Variants in STK32B observed in about 807,000 individuals in gnomAD.
STK32B encodes the protein serine/threonine kinase 32B.
A neutral mutation model predicts 52.6 loss-of-function variants in STK32B; 43 were observed. That is an observed-to-expected ratio of 0.82 (90% CI 0.64 to 1.05). STK32B has a LOEUF of 1.05. STK32B is among the 50% of genes least tolerant of loss of function. The probability of loss-of-function intolerance (pLI) is 0.00; values close to 1 mark genes in which losing one functional copy is unlikely to be tolerated. For missense variants in STK32B, 621 were observed against 534.6 expected (o/e 1.16, Z -1.59); for synonymous variants, 238 against 204.3 (o/e 1.17, Z -1.41).
intron 4 of STK32B, among the ~76,000 whole-genome samples, chr4:5,335,823 A>T (rs1732637139): frequency 6.6e-6 from 1 of 151,738 alleles, no homozygotes; most frequent in African/African-American, 2.4e-5. Context: ...TTGTAGTTTG[A>T]TTGCACTGTG....
At chr4:5,276,062 G>A (rs1321836544) in intron 3 of STK32B, among the ~76,000 whole-genome samples, 16 of 152,072 alleles carry the variant, frequency 1.1e-4, no homozygotes. Flanking sequence ...GCCGAGGCAG[G>A]CGGATCACCT....
rs373306420 is a variant in STK32B at position 5,168,416 on chromosome 4, C to G, written c.226C>G (p.Gln76Glu). 4 of 1,613,686 alleles carry G rather than the reference C, an allele frequency of 2.5e-6. No individual in the cohort carries two copies. The African/African-American group carries it at 5.3e-5, about 22-fold the overall frequency. ...RNVFRELQIM[Q>E]GLEHPFLVNL... Reference sequence around the variant, plus strand: ...TGTTTTCCGGGAGCTGCAGATCATGCAAGGGCTGGAGCACCCCTTCCTGGT... The same window carrying G: ...TGTTTTCCGGGAGCTGCAGATCATGGAAGGGCTGGAGCACCCCTTCCTGGT... The change falls in exon 3 of 12, where the codon CAA (glutamine) becomes GAA (glutamate). Residue 76 changes from glutamine to glutamate, a missense_variant. Physicochemically the swap from Gln to Glu is conservative, Grantham distance 29. Transcript: ENST00000282908.
chr4:5,285,207 G>T (rs1489547301), intron 3 of STK32B, among the ~76,000 whole-genome samples: 1 of 152,146 alleles, frequency 6.6e-6, no homozygotes, highest in African/African-American at 2.4e-5. Context: ...AAGGCTACCG[G>T]TCGACAGTAG....
chr4:5,042,966 C>T, the STK32B span, among the ~76,000 whole-genome samples: 1 of 151,600 alleles, frequency 6.6e-6, no homozygotes, highest in African/African-American at 2.4e-5. Flanking sequence ...ATTAGCCGGG[C>T]GCGGTGGCGG....
At chr4:5,317,327 ATT>A (rs1491172346) in intron 3 of STK32B, among the ~76,000 whole-genome samples, 2 of 33,254 alleles carry the variant, frequency 6.0e-5, no homozygotes, top group African/African-American at 2.8e-4. Context: ...TATAATATAT[ATT>A]ACATATATAA....
intron 3 of STK32B, among the ~76,000 whole-genome samples, chr4:5,321,792 C>T (rs1051394022): frequency 3.3e-5 from 5 of 152,260 alleles, no homozygotes; most frequent in African/African-American, 1.2e-4. Flanking sequence ...CACCTCATCA[C>T]GCGACTGCTC....
At chr4:5,485,044 G>C (rs1346254599) in intron 11 of STK32B, among the ~76,000 whole-genome samples, 1 of 151,658 alleles carries the variant, frequency 6.6e-6, no homozygotes, top group Non-Finnish European at 1.5e-5. Flanking sequence ...TTTCAACTTT[G>C]ATGAATCTGA....
chr4:5,331,538 C>T (rs1222786898), intron 4 of STK32B, 145 bp downstream of exon 4: 2 of 844,898 alleles, frequency 2.4e-6, no homozygotes, highest in East Asian at 2.8e-5. Context: ...GAACACTTTT[C>T]TTCCTATTTT....
Position 5,380,149 on chromosome 4 carries a change from G to T in STK32B, c.435-18058G>T, listed in dbSNP as rs561355235. 6.6e-6 allele frequency among the ~76,000 whole-genome samples: 1 copy of T among 152,062 alleles called. No individual in the cohort carries two copies. Among genetic ancestry groups the T allele is most frequent in the Non-Finnish European group, 1.5e-5 (1 of 68,036 alleles). ...ATATGTTTATTATTCTGGTGAAGCC[G>T]CTCCTAACCAGACCCATCCTGCAGC... On this transcript the variant is annotated intron_variant, in intron 4 of 11. Transcript: ENST00000282908. This position sits in a 1 kb window ranked among gnomAD's most constrained non-coding sequence, Gnocchi z 4.3.
intron 1 of STK32B, 91 bp from the exon 2 acceptor site, chr4:5,139,814 A>AT: frequency 6.8e-7 from 1 of 1,460,154 alleles, no homozygotes; most frequent in Admixed American, 1.7e-5. Flanking sequence ...AGCCTTTGGA[A>AT]TAGGTGGGTA....
intron 3 of STK32B, among the ~76,000 whole-genome samples, chr4:5,298,248 A>G (rs939925412): frequency 1.3e-5 from 2 of 152,190 alleles, no homozygotes; most frequent in Non-Finnish European, 2.9e-5. Context: ...TCTCCCAGTC[A>G]GGAGGCACAG....
At chr4:5,246,523 C>T (rs1185692994) in intron 3 of STK32B, among the ~76,000 whole-genome samples, 1 of 152,078 alleles carries the variant, frequency 6.6e-6, no homozygotes, top group Non-Finnish European at 1.5e-5. Context: ...TTCAAACTTC[C>T]TCCTTTAGCT....
At chr4:5,451,456 C>G (rs1715986050) in intron 7 of STK32B, among the ~76,000 whole-genome samples, 1 of 152,094 alleles carries the variant, frequency 6.6e-6, no homozygotes, top group African/African-American at 2.4e-5. Flanking sequence ...TCCATGGTAC[C>G]TAAGCAGAGA....
chr4:5,489,259 ATAT>A (rs1719485341), intron 11 of STK32B, among the ~76,000 whole-genome samples: 1 of 152,132 alleles, frequency 6.6e-6, no homozygotes, highest in Non-Finnish European at 1.5e-5. Context: ...GAGAATTGAG[ATAT>A]TAGACAAAGC....
intron 3 of STK32B, among the ~76,000 whole-genome samples, chr4:5,286,251 A>AGAT (rs1232020720): frequency 1.3e-5 from 2 of 152,246 alleles, no homozygotes; most frequent in Non-Finnish European, 2.9e-5. Flanking sequence ...TACACCCAAC[A>AGAT]GATGAGCCAC....
rs185867234 is a variant in STK32B at position 5,392,573 on chromosome 4, A to G, written c.435-5634A>G. ...TCATTTCCCCACCCACAGAGAGAGA[A>G]CATTGATCTAGAGACCAACATGAGA... is the stretch of plus-strand genomic sequence containing the variant. On this transcript the variant is annotated intron_variant, in intron 4 of 11. Transcript: ENST00000282908. Among the ~76,000 whole-genome samples, 13 of 152,252 alleles carry G rather than the reference A, an allele frequency of 8.5e-5. No individual in the cohort carries two copies. The East Asian group carries it at 2.1e-3, about 25-fold the overall frequency.
At chr4:5,494,672 G>A (rs937865624) in intron 11 of STK32B, among the ~76,000 whole-genome samples, 12 of 152,118 alleles carry the variant, frequency 7.9e-5, no homozygotes, top group African/African-American at 1.7e-4. Flanking sequence ...TCCTAGCCTC[G>A]ATGGTCTTTA....
rs80254253 is a variant in STK32B, at chr4:5,248,818, C to T, written c.260+80368C>T. Among the ~76,000 whole-genome samples the T allele has an allele frequency of 7.8e-3, 1,185 of 151,938 alleles. 9 individuals are homozygous for T. The highest frequency in any genetic ancestry group is 0.02 in the Admixed American group (309 of 15,264). ...GAAAGCATAATTCTCAGCAAACTAT[C>T]GTGAGGACAAAAAACCAAACACCGC... On this transcript the variant is annotated intron_variant, in intron 3 of 11. Transcript: ENST00000282908.
chr4:5,322,190 CAT>C (rs1251036900), intron 3 of STK32B, among the ~76,000 whole-genome samples: 1 of 152,000 alleles, frequency 6.6e-6, no homozygotes, highest in Non-Finnish European at 1.5e-5. Flanking sequence ...ATAAGCTTAT[CAT>C]TGTGAATGTT....
Sources: allele counts gnomAD v4.1 joint callset (sites outside exome capture counted in the v4.1 genomes callset), GRCh38; gene constraint gnomAD v4.1.1; non-coding constraint Gnocchi (gnomAD v3.1); transcripts MANE v1.5; gene names NCBI Gene and HGNC (gene_info 2026-07-23, HGNC 2026-07-21).